The following NWD1 variants were observed in gnomAD, a reference collection of about 807,000 sequenced individuals.
NWD1 encodes NACHT domain- and WD repeat-containing protein 1.
A neutral mutation model predicts 135.1 loss-of-function variants in NWD1; 129 were observed. The ratio of observed to expected loss-of-function variants is 0.96; its 90% CI spans 0.83 to 1.11. The LOEUF is 1.11. Among genes scored for constraint, NWD1 ranks in the 50% least tolerant of loss-of-function variants. The probability of loss-of-function intolerance (pLI) is 0.00; values close to 1 mark genes in which losing one functional copy is unlikely to be tolerated. For missense variants in NWD1, 1,740 were observed against 1,851.3 expected, an observed-to-expected ratio of 0.94 and a Z score of 1.10; for synonymous variants, 773 against 786.0, an observed-to-expected ratio of 0.98 and a Z score of 0.28.
At chr19:16,806,282 C>T (rs1599561177) in intron 17 of NWD1, among the ~76,000 whole-genome samples, 1 of 152,258 alleles carries the variant, frequency 6.6e-6, no homozygotes, top group Non-Finnish European at 1.5e-5. Flanking sequence ...CCAGCAGTGC[C>T]CCCACCTTCA....
In NWD1 at chr19:16,804,182, C is replaced by A. The variant is rs143526393; in HGVS notation, c.3737-3404C>A. Among the ~76,000 whole-genome samples, 152 of 152,198 alleles carry A rather than the reference C, an allele frequency of 1.0e-3. 1 individual carries two copies. The East Asian group carries it at 0.027, about 27-fold the overall frequency. On this transcript the variant is annotated intron_variant, in intron 17 of 18. Coordinates refer to ENST00000524140, the MANE Select transcript of NWD1 (RefSeq NM_001007525.5). The stretch of plus-strand genomic sequence containing the variant: ...GCAAGAATGCAGGCTCAGCTAAAGT[C>A]CCTCTCAGCATCATTCCATGGGGAG...
intron 10 of NWD1, 89 bp from the exon 11 acceptor site, chr19:16,773,036 TG>T: frequency 9.3e-7 from 1 of 1,079,716 alleles, no homozygotes; most frequent in Non-Finnish European, 1.4e-6. Context: ...TCTTTTGTTC[TG>T]GAGCCCCTGC....
At chr19:16,787,908 ATCATCATCATCATC>A (rs1568380830) in intron 12 of NWD1, among the ~76,000 whole-genome samples, 1,150 of 104,026 alleles carry the variant, frequency 0.011, 10 homozygotes, top group South Asian at 0.016. Flanking sequence ...AATAATAATC[ATCATCATCATCATC>A]ATCATCATCA....
intron 3 of NWD1, among the ~76,000 whole-genome samples, chr19:16,735,803 AAGGAAGG>A (rs1967773605): frequency 2.1e-5 from 1 of 47,594 alleles, no homozygotes; most frequent in Non-Finnish European, 4.3e-5. Context: ...GGAAGGAAGG[AAGGAAGG>A]AAGGAAGGAA....
At chr19:16,731,147 G>A in intron 2 of NWD1, 45 bp from the exon 3 acceptor site, 2 of 1,015,970 alleles carry the variant, frequency 2.0e-6, no homozygotes, top group Non-Finnish European at 2.9e-6. Flanking sequence ...GCTGGGAAGA[G>A]TTCTGAGTCC....
chr19:16,744,776 A>C (rs1050420747), intron 5 of NWD1, 58 bp downstream of exon 5: 1 of 1,412,778 alleles, frequency 7.1e-7, no homozygotes, highest in Non-Finnish European at 9.7e-7. Flanking sequence ...CGTGTTCAGA[A>C]TATCCATCCC....
chr19:16,744,484 G>A lies in NWD1; in HGVS notation c.262G>A (p.Glu88Lys). ...CTCGCGGATCGATGAGAAGGAGTGG[G>A]AGGTATTGAGGGACCATCTGACTGC... is the stretch of plus-strand genomic sequence containing the variant. ...IPSRIDEKEW[E>K]VLRDHLTARP... is the part of the protein sequence containing the mutation. Residue 88 changes from glutamate to lysine, a missense_variant, in exon 5 of 19, where the codon GAG becomes AAG. Physicochemically the swap from Glu to Lys is moderately conservative, Grantham distance 56. Transcript: ENST00000524140. The A allele has an allele frequency of 1.3e-6, 2 of 1,535,708 alleles. No individual in the cohort carries two copies. The highest frequency in any genetic ancestry group is 1.7e-6 in the Non-Finnish European group (2 of 1,146,558).
At chr19:16,746,292 G>A (rs572100385) in intron 5 of NWD1, among the ~76,000 whole-genome samples, 4 of 151,662 alleles carry the variant, frequency 2.6e-5, no homozygotes, top group Admixed American at 6.6e-5. Flanking sequence ...CCTAGGAGGC[G>A]GAGATTGCAG....
At position 16,749,762 on chromosome 19, in the gene NWD1, G is replaced by A; in HGVS notation, c.1120G>A (p.Gly374Arg). The A allele has an allele frequency of 6.2e-7, 1 of 1,607,064 alleles. No homozygotes were observed. The highest frequency in any genetic ancestry group is 1.3e-5 in the African/African-American group (1 of 74,980). The change falls in exon 6 of 19, where the codon GGG (glycine) becomes AGG (arginine). Residue 374 changes from glycine to arginine, a missense_variant. By Grantham distance (125) the Gly-to-Arg change is moderately radical (BLOSUM62 -2). Coordinates refer to ENST00000524140, the MANE Select transcript of NWD1 (RefSeq NM_001007525.5). Reference protein sequence around the residue: ...HKTVTVLRLLGTSQMSSDARG... With the variant: ...HKTVTVLRLLRTSQMSSDARG... ...GACAGTGACCGTCCTGCGGCTGCTG[G>A]GGACGTCACAAATGAGCTCAGATGC...
At chr19:16,795,155 T>C (rs188915428) in intron 15 of NWD1, among the ~76,000 whole-genome samples, 56 of 152,380 alleles carry the variant, frequency 3.7e-4, no homozygotes, top group Non-Finnish European at 6.6e-4. Context: ...ACCCCATTTA[T>C]TCAGCCTGTG....
At chr19:16,792,744 G>T (rs1970289725) in intron 14 of NWD1, among the ~76,000 whole-genome samples, 1 of 151,562 alleles carries the variant, frequency 6.6e-6, no homozygotes, top group Non-Finnish European at 1.5e-5. Context: ...GGGTGTGGTG[G>T]TGGGTGCCTG....
chr19:16,727,925 A>G (rs1476858363), intron 2 of NWD1, among the ~76,000 whole-genome samples: 11 of 152,050 alleles, frequency 7.2e-5, no homozygotes, highest in Non-Finnish European at 1.3e-4. Flanking sequence ...AGCTGGGCGT[A>G]GTGGTGGGTG....
At chr19:16,804,864 G>A (rs1970705338) in intron 17 of NWD1, among the ~76,000 whole-genome samples, 1 of 151,742 alleles carries the variant, frequency 6.6e-6, no homozygotes, top group Non-Finnish European at 1.5e-5. Flanking sequence ...TCACTCTACT[G>A]TCTAGGCTGG....
chr19:16,747,748 C>T (rs919060339), intron 5 of NWD1, among the ~76,000 whole-genome samples: 2 of 152,134 alleles, frequency 1.3e-5, no homozygotes, highest in Non-Finnish European at 2.9e-5. Context: ...GCGCAGGCAA[C>T]CATCAATCTG....
intron 17 of NWD1, among the ~76,000 whole-genome samples, chr19:16,804,790 A>G (rs1970703823): frequency 6.8e-6 from 1 of 148,036 alleles, no homozygotes; most frequent in Admixed American, 6.7e-5. Flanking sequence ...CATGGTAGAA[A>G]GGGGCAAAGA....
intron 16 of NWD1, among the ~76,000 whole-genome samples, chr19:16,798,727 A>G (rs78696419): frequency 6.6e-6 from 1 of 152,142 alleles, no homozygotes; most frequent in African/African-American, 2.4e-5. Flanking sequence ...CCTGGGTTCA[A>G]GCAATTCTCC....
At position 16,745,745 on chromosome 19, in the gene NWD1, C is replaced by G. The variant is rs1278568662; in HGVS notation, c.496+1027C>G. On this transcript the variant is annotated intron_variant, in intron 5 of 18. Transcript: ENST00000524140. ...ACAGAGAGAGACCTGTCTCAAAAAA[C>G]AAAAACAAAAACAAAAACAAAATTA... Among the ~76,000 whole-genome samples, 3 of 148,622 alleles carry G rather than the reference C, an allele frequency of 2.0e-5. No individual in the cohort carries two copies. In the Admixed American group the frequency reaches 2.0e-4, roughly 10 times the overall value.
At chr19:16,780,141 C>T (rs1227751886) in intron 12 of NWD1, among the ~76,000 whole-genome samples, 2 of 151,584 alleles carry the variant, frequency 1.3e-5, no homozygotes, top group Non-Finnish European at 2.9e-5. Context: ...CTCTCATCCC[C>T]AGCAAAGGCA....
intron 4 of NWD1, 74 bp downstream of exon 4, chr19:16,736,824 CAG>C (rs1967840536): frequency 2.2e-6 from 2 of 893,674 alleles, no homozygotes; most frequent in African/African-American, 3.3e-5. Context: ...ACAAACTGAT[CAG>C]CAGAGGGAAG....
Sources: allele counts gnomAD v4.1 joint callset (sites outside exome capture counted in the v4.1 genomes callset), GRCh38; gene constraint gnomAD v4.1.1; transcripts MANE v1.5; gene names NCBI Gene and HGNC (gene_info 2026-07-23, HGNC 2026-07-21).